Variants in PDE4D observed in about 807,000 individuals in gnomAD.
The protein encoded by PDE4D is 3',5'-cyclic-AMP phosphodiesterase 4D.
In PDE4D, 24 loss-of-function variants were observed where a neutral mutation model predicts 87.4. That is an observed-to-expected ratio of 0.27 (90% CI 0.20 to 0.39). The LOEUF is 0.39. Ranked by LOEUF, PDE4D falls within the 10% of genes least tolerant of loss-of-function variation. PDE4D has a pLI of 1.00. For synonymous variants in PDE4D, 384 were observed against 383.2 expected, an observed-to-expected ratio of 1.00 and a Z score of -0.02; for missense variants, 714 against 1,041.0, an observed-to-expected ratio of 0.69 and a Z score of 4.32.
chr5:59,246,072 T>G (rs1467696755), intron 1 of PDE4D, among the ~76,000 whole-genome samples: 1 of 151,438 alleles, frequency 6.6e-6, no homozygotes, highest in Non-Finnish European at 1.5e-5. Flanking sequence ...TAGTATCTGC[T>G]TAAACAACAA....
chr5:59,395,713 C>CGG (rs1789273369), intron 1 of PDE4D, among the ~76,000 whole-genome samples: 1 of 132,918 alleles, frequency 7.5e-6, no homozygotes, highest in African/African-American at 2.9e-5. Flanking sequence ...TCACCAGCAA[C>CGG]AGAACAAAGC....
At chr5:59,110,856 A>G (rs1035248800) in intron 5 of PDE4D, among the ~76,000 whole-genome samples, 6 of 152,170 alleles carry the variant, frequency 3.9e-5, no homozygotes, top group African/African-American at 1.4e-4. Context: ...TGGGCATCAG[A>G]GCTAGACCCA....
chr5:59,224,537 A>C (rs1438028592), intron 1 of PDE4D, among the ~76,000 whole-genome samples: 1 of 152,176 alleles, frequency 6.6e-6, no homozygotes, highest in Non-Finnish European at 1.5e-5. Flanking sequence ...CACTTTTGAC[A>C]CAATGATATG....
At chr5:59,488,268 G>T (rs1384418502) in intron 1 of PDE4D, among the ~76,000 whole-genome samples, 2 of 151,652 alleles carry the variant, frequency 1.3e-5, no homozygotes, top group East Asian at 3.9e-4. Flanking sequence ...CACTCAGGCT[G>T]TAGCTTCGTT....
At chr5:59,528,968 G>A (rs756111476) in intron 1 of PDE4D, 5 of 449,216 alleles carry the variant, frequency 1.1e-5, no homozygotes, top group South Asian at 6.4e-5. Flanking sequence ...CAAGCTGAAC[G>A]GTTGGCCATA....
chr5:59,492,465 T>C (rs1347492395), intron 1 of PDE4D, among the ~76,000 whole-genome samples: 1 of 152,214 alleles, frequency 6.6e-6, no homozygotes, highest in Non-Finnish European at 1.5e-5. Context: ...TAAGTGTATA[T>C]ACATAGGAAC....
At chr5:60,315,874 G>GTT (rs1166914427) in intron 1 of PDE4D, among the ~76,000 whole-genome samples, 2 of 152,098 alleles carry the variant, frequency 1.3e-5, no homozygotes, top group Non-Finnish European at 2.9e-5. Context: ...GTACCATGCT[G>GTT]TTTTGGTGAC....
intron 1 of PDE4D, among the ~76,000 whole-genome samples, chr5:59,316,507 G>A (rs1430332853): frequency 2.0e-5 from 3 of 152,118 alleles, no homozygotes; most frequent in Non-Finnish European, 4.4e-5. Context: ...ATCTTAAAGT[G>A]AAAACATCAC....
At chr5:59,932,045 T>G (rs1756020091) in intron 3 of PDE4D, among the ~76,000 whole-genome samples, 2 of 152,154 alleles carry the variant, frequency 1.3e-5, no homozygotes, top group Admixed American at 1.3e-4. Flanking sequence ...AGACAAATAT[T>G]CAAGCCATGG....
chr5:59,587,024 A>G (rs1456090052), intron 1 of PDE4D: 1 of 984,426 alleles, frequency 1.0e-6, no homozygotes, highest in African/African-American at 1.7e-5. Context: ...TGCTGGTTCA[A>G]CTGCAAAAGT....
At chr5:59,121,444 A>C (rs529964505) in intron 5 of PDE4D, among the ~76,000 whole-genome samples, 51 of 152,310 alleles carry the variant, frequency 3.3e-4, no homozygotes, top group African/African-American at 1.2e-3. Context: ...AATATGAAAA[A>C]ATGCTCAACA....
At chr5:59,580,621 C>T (rs1369039497) in intron 1 of PDE4D, among the ~76,000 whole-genome samples, 2 of 152,030 alleles carry the variant, frequency 1.3e-5, no homozygotes, top group Admixed American at 6.6e-5. Flanking sequence ...GCATGAACCA[C>T]CATGCCCAGC....
At chr5:59,504,177 A>G (rs1369029634) in intron 1 of PDE4D, among the ~76,000 whole-genome samples, 1 of 152,210 alleles carries the variant, frequency 6.6e-6, no homozygotes, top group Non-Finnish European at 1.5e-5. Flanking sequence ...TGAGAGATAC[A>G]GAGTAATATA....
At chr5:60,455,110 A>G (rs1016740441) in intron 1 of PDE4D, among the ~76,000 whole-genome samples, 2 of 152,152 alleles carry the variant, frequency 1.3e-5, no homozygotes, top group African/African-American at 4.8e-5. Flanking sequence ...ATTATAGGGT[A>G]TAAAATTTTA....
intron 2 of PDE4D, among the ~76,000 whole-genome samples, chr5:60,041,967 A>G (rs1317143532): frequency 6.6e-6 from 1 of 151,802 alleles, no homozygotes; most frequent in Admixed American, 6.6e-5. Context: ...ACCATTCACA[A>G]CTGTGGAAAG....
chr5:59,829,394 A>G (rs963431074), intron 1 of PDE4D, among the ~76,000 whole-genome samples: 2 of 152,118 alleles, frequency 1.3e-5, no homozygotes, highest in East Asian at 3.9e-4. Flanking sequence ...TAACATTTAC[A>G]CAATTATGTG....
chr5:59,337,334 C>CG lies in PDE4D; in HGVS notation c.456-121367_456-121366insC, dbSNP rs1331519826. On this transcript the variant is annotated intron_variant, in intron 1 of 14. Coordinates refer to ENST00000340635, the MANE Select transcript of PDE4D (RefSeq NM_001104631.2). ...AGGCATTCATAAGTTCCCCCCCCCC[C>CG]ACCTTTTTTTTTTTTTTGACACGGA... 4.3e-4 allele frequency among the ~76,000 whole-genome samples: 62 copies of CG among 143,756 alleles called. 2 individuals are homozygous for CG. Among genetic ancestry groups the CG allele is most frequent in the Non-Finnish European group, 3.5e-4 (23 of 66,178 alleles). 94.3% of individuals were successfully genotyped at this position (143,756 alleles called of 152,430 possible).
At position 60,007,338 on chromosome 5, in the gene PDE4D, A is replaced by T. The variant is rs1312280020; in HGVS notation, c.43-18621T>A. Among the ~76,000 whole-genome samples the T allele has an allele frequency of 2.0e-5, 3 of 152,068 alleles. No homozygotes were observed. The East Asian group carries it at 5.8e-4, about 29-fold the overall frequency. ...TAAGTTAAATTACAAATACCAGGGAATAAAAGTATATTTGCATCACGTAGG... is the reference window on the plus strand; with the variant it reads ...TAAGTTAAATTACAAATACCAGGGATTAAAAGTATATTTGCATCACGTAGG... On this transcript the variant is annotated intron_variant, in intron 2 of 16. Coordinates refer to the PDE4D transcript ENST00000502484.
intron 1 of PDE4D, among the ~76,000 whole-genome samples, chr5:59,652,543 A>G (rs1266476231): frequency 1.3e-5 from 2 of 152,242 alleles, no homozygotes; most frequent in East Asian, 3.8e-4. Flanking sequence ...CGAAACTTTC[A>G]CAGCTAATAT....
Sources: allele counts gnomAD v4.1 joint callset (sites outside exome capture counted in the v4.1 genomes callset), GRCh38; gene constraint gnomAD v4.1.1; transcripts MANE v1.5; gene names NCBI Gene and HGNC (gene_info 2026-07-23, HGNC 2026-07-21).